The following CAMKMT variants were observed in gnomAD, a reference collection of about 807,000 sequenced individuals.
The protein encoded by CAMKMT is CaM KMT.
In CAMKMT, 53 loss-of-function variants were observed where a neutral mutation model predicts 48.0. That is an observed-to-expected ratio of 1.10 (90% confidence interval 0.89 to 1.39). CAMKMT has a LOEUF of 1.39. Among genes scored for constraint, CAMKMT ranks in the 40% most tolerant of loss-of-function variants. The probability of loss-of-function intolerance (pLI) is 0.00; values close to 1 mark genes in which losing one functional copy is unlikely to be tolerated. For synonymous variants in CAMKMT, 165 were observed against 152.3 expected (o/e 1.08, Z -0.61); for missense variants, 428 against 402.7 (o/e 1.06, Z -0.54).
chr2:44,763,195 G>T (rs909552548), intron 9 of CAMKMT, among the ~76,000 whole-genome samples: 6 of 152,190 alleles, frequency 3.9e-5, no homozygotes, highest in African/African-American at 1.4e-4. Flanking sequence ...ACCTCTCAAA[G>T]GTGTCTGTAT....
intron 7 of CAMKMT, among the ~76,000 whole-genome samples, chr2:44,732,541 C>T (rs1462368558): frequency 6.6e-5 from 10 of 152,100 alleles, no homozygotes; most frequent in Non-Finnish European, 1.0e-4. Context: ...TACTTGTATG[C>T]GCCTTGCTCT....
intron 2 of CAMKMT, among the ~76,000 whole-genome samples, chr2:44,379,527 T>G (rs552821078): frequency 5.3e-5 from 8 of 152,222 alleles, no homozygotes; most frequent in Non-Finnish European, 1.2e-4. Flanking sequence ...ATTCTAGGAA[T>G]GTATGAGTGT....
At chr2:44,424,572 C>T (rs929384330) in intron 3 of CAMKMT, among the ~76,000 whole-genome samples, 10 of 152,120 alleles carry the variant, frequency 6.6e-5, no homozygotes, top group African/African-American at 2.2e-4. Context: ...CCAGGCCTGA[C>T]GGAATACTTC....
At chr2:44,385,200 T>C (rs1286226730) in intron 2 of CAMKMT, among the ~76,000 whole-genome samples, 2 of 152,172 alleles carry the variant, frequency 1.3e-5, no homozygotes, top group African/African-American at 4.8e-5. Flanking sequence ...TTTTGACGTC[T>C]TGGTTAGGTA....
At chr2:44,446,931 T>C (rs1160580499) in intron 3 of CAMKMT, among the ~76,000 whole-genome samples, 1 of 152,246 alleles carries the variant, frequency 6.6e-6, no homozygotes, top group Non-Finnish European at 1.5e-5. Flanking sequence ...CTTTTCCTTA[T>C]TCCTTTTCCA....
chr2:44,760,291 G>A (rs1162875693), intron 9 of CAMKMT, among the ~76,000 whole-genome samples: 1 of 152,126 alleles, frequency 6.6e-6, no homozygotes, highest in Non-Finnish European at 1.5e-5. Flanking sequence ...AAATCATGGT[G>A]TGTTTTGGGA....
intron 3 of CAMKMT, among the ~76,000 whole-genome samples, chr2:44,599,326 G>T (rs943631519): frequency 1.3e-5 from 2 of 152,010 alleles, no homozygotes; most frequent in African/African-American, 4.8e-5. Context: ...TTGCCTGAAG[G>T]GCTCCAGTAA....
At chr2:44,605,612 C>G (rs1423595149) in intron 3 of CAMKMT, among the ~76,000 whole-genome samples, 1 of 151,978 alleles carries the variant, frequency 6.6e-6, no homozygotes, top group Non-Finnish European at 1.5e-5. Flanking sequence ...TTTTAAGAAT[C>G]AAAAAGAACT....
rs786622 is a variant in CAMKMT, at chr2:44,379,459, C to G, written c.311+6571C>G. Among the ~76,000 whole-genome samples, 10 of 152,050 alleles carry G rather than the reference C, an allele frequency of 6.6e-5. 2 individuals carry two copies. Among genetic ancestry groups the G allele is most frequent in the Admixed American group, 3.9e-4 (6 of 15,276 alleles). ...GGAATTGCTGGGTCATGTGGTATCT[C>G]TATGTTTAACTTTTTGAGGAATAGC... is the stretch of plus-strand genomic sequence containing the variant. On this transcript the variant is annotated intron_variant, in intron 2 of 10. Coordinates refer to ENST00000378494, the MANE Select transcript of CAMKMT (RefSeq NM_024766.5).
chr2:44,709,233 C>T (rs550900139), intron 6 of CAMKMT, among the ~76,000 whole-genome samples: 7 of 152,142 alleles, frequency 4.6e-5, no homozygotes, highest in Non-Finnish European at 5.9e-5. Flanking sequence ...AGAAGCTCAG[C>T]CCTGAGAGTG....
At chr2:44,615,729 C>G (rs1487935980) in intron 3 of CAMKMT, among the ~76,000 whole-genome samples, 1 of 151,964 alleles carries the variant, frequency 6.6e-6, no homozygotes, top group Non-Finnish European at 1.5e-5. Context: ...TAACCACACC[C>G]TATAATTTAA....
chr2:44,390,224 G>T lies in CAMKMT; in HGVS notation c.312-17G>T, dbSNP rs760280465. 2.2e-5 allele frequency: 35 copies of T among 1,594,144 alleles called. No homozygotes were observed. The highest frequency in any genetic ancestry group is 2.8e-5 in the Non-Finnish European group (33 of 1,170,770). On this transcript the variant is annotated splice_polypyrimidine_tract_variant and intron_variant, in intron 2 of 10. Coordinates refer to ENST00000378494, the MANE Select transcript of CAMKMT (RefSeq NM_024766.5). ...ACATTTCAGAATCATTAAAGCAAACGCTTTACTCCTTTCTAGGCATAATAG... is the reference window on the plus strand; with the variant it reads ...ACATTTCAGAATCATTAAAGCAAACTCTTTACTCCTTTCTAGGCATAATAG...
At chr2:44,674,175 A>G (rs1387699578) in intron 3 of CAMKMT, among the ~76,000 whole-genome samples, 1 of 152,224 alleles carries the variant, frequency 6.6e-6, no homozygotes, top group African/African-American at 2.4e-5. Flanking sequence ...ATCATGCTAT[A>G]TGTAAGAGTC....
intron 3 of CAMKMT, among the ~76,000 whole-genome samples, chr2:44,574,529 T>C (rs905117134): frequency 6.6e-6 from 1 of 151,946 alleles, no homozygotes; most frequent in South Asian, 2.1e-4. Context: ...TCCTTTGTCT[T>C]CTCTAGGAAT....
At chr2:44,701,403 A>G (rs571193310) in intron 3 of CAMKMT, among the ~76,000 whole-genome samples, 1 of 152,176 alleles carries the variant, frequency 6.6e-6, no homozygotes, top group Non-Finnish European at 1.5e-5. Context: ...GATTAGCAAA[A>G]ATTAGTTATG....
At chr2:44,766,755 C>G (rs1415157880) in intron 10 of CAMKMT, among the ~76,000 whole-genome samples, 194 bp downstream of exon 10, 3 of 144,816 alleles carry the variant, frequency 2.1e-5, no homozygotes, top group African/African-American at 7.8e-5. Context: ...AAGGATTTTA[C>G]AGAAACCATT....
intron 3 of CAMKMT, among the ~76,000 whole-genome samples, chr2:44,535,296 G>A (rs1405265346): frequency 6.6e-6 from 1 of 152,052 alleles, no homozygotes; most frequent in Non-Finnish European, 1.5e-5. Flanking sequence ...TGGCTTCACT[G>A]CCTAATTCTA....
intron 6 of CAMKMT, among the ~76,000 whole-genome samples, chr2:44,711,002 C>T (rs1003058527): frequency 5.9e-5 from 9 of 152,114 alleles, no homozygotes; most frequent in Non-Finnish European, 1.5e-5. Context: ...GGGTAAATCC[C>T]CTGTGCTTTT....
In CAMKMT at chr2:44,650,897, G is replaced by T. The variant is rs113463013; in HGVS notation, c.377-53386G>T. On this transcript the variant is annotated intron_variant, in intron 3 of 10. Transcript: ENST00000378494. ...AATGACAGACTGGAAACATTACAACGAATAATTCAGACAATAGACATGAAC... is the reference window on the plus strand; with the variant it reads ...AATGACAGACTGGAAACATTACAACTAATAATTCAGACAATAGACATGAAC... Among the ~76,000 whole-genome samples, 472 of 151,060 alleles carry T rather than the reference G, an allele frequency of 3.1e-3. 5 individuals carry two copies. The highest frequency in any genetic ancestry group is 0.011 in the African/African-American group (446 of 41,230).
Sources: gnomAD v4.1 joint callset for allele counts (sites outside exome capture counted in the v4.1 genomes callset) on GRCh38, gnomAD v4.1.1 for gene constraint, MANE v1.5 for transcripts, NCBI Gene and HGNC (gene_info 2026-07-23, HGNC 2026-07-21) for gene names.